IST1: variants seen among roughly 807,000 people sequenced by gnomAD.
IST1 encodes IST1 factor associated with ESCRT-III.
IST1 carries 23 observed loss-of-function variants against 37.0 expected under a neutral mutation model. The observed-to-expected ratio is 0.62, with a 90% confidence interval of 0.45 to 0.88. IST1 has a LOEUF of 0.88. IST1 is among the 40% of genes least tolerant of loss of function. IST1 has a pLI of 0.00. For synonymous variants in IST1, 180 were observed against 161.7 expected (o/e 1.11, Z -0.86); for missense variants, 488 against 445.4 (o/e 1.10, Z -0.86).
chr16:71,910,341 T>C (rs1194596209), intron 1 of IST1, among the ~76,000 whole-genome samples: 1 of 152,050 alleles, frequency 6.6e-6, no homozygotes, highest in Non-Finnish European at 1.5e-5. Flanking sequence ...GTGTGGAGGC[T>C]CAAGTCTGTA....
chr16:71,903,306 T>C (rs2037149337), intron 1 of IST1: 2 of 152,192 alleles, frequency 1.3e-5, no homozygotes, highest in South Asian at 4.1e-4. Flanking sequence ...AAAACCTTAA[T>C]GATATAATTT....
intron 1 of IST1, among the ~76,000 whole-genome samples, chr16:71,909,751 C>T (rs979241481): frequency 3.3e-5 from 5 of 152,142 alleles, no homozygotes; most frequent in African/African-American, 9.7e-5. Flanking sequence ...TCGAGAATAA[C>T]GCCTTAGGTT....
At chr16:71,908,899 A>G (rs2037288258) in intron 1 of IST1, among the ~76,000 whole-genome samples, 1 of 152,078 alleles carries the variant, frequency 6.6e-6, no homozygotes, top group African/African-American at 2.4e-5. Context: ...TATTTTTCAT[A>G]GTTCTCAGAT....
intron 8 of IST1, chr16:71,924,420 G>C: frequency 2.4e-6 from 1 of 414,342 alleles, no homozygotes; most frequent in Non-Finnish European, 4.5e-6. Flanking sequence ...GCGAAACCCT[G>C]TCTCTACCCA....
Position 71,922,468 on chromosome 16 carries a change from T to TC in IST1, c.553-5dup, listed in dbSNP as rs2037619249. On this transcript the variant is annotated splice_region_variant and splice_polypyrimidine_tract_variant and intron_variant, in intron 6 of 9. Transcript: ENST00000378799. Reference sequence around the variant, plus strand: ...TTAATGACCTGGGTTTCTCTTTTTTTCTCAGGCAGAAGCTCCTCCTGGGGT... The same window carrying TC: ...TTAATGACCTGGGTTTCTCTTTTTTTCCTCAGGCAGAAGCTCCTCCTGGGGT... The TC allele has an allele frequency of 6.2e-7, 1 of 1,613,194 alleles. No individual in the cohort carries two copies. The highest frequency in any genetic ancestry group is 1.1e-5 in the South Asian group (1 of 91,050).
At chr16:71,900,494 C>G (rs536618916) in intron 1 of IST1, among the ~76,000 whole-genome samples, 3 of 151,914 alleles carry the variant, frequency 2.0e-5, no homozygotes, top group Non-Finnish European at 4.4e-5. Flanking sequence ...TTTTACTTTG[C>G]TTATTCAGGA....
rs2037701740 is a variant in IST1 at position 71,924,901 on chromosome 16, GT to G, written c.901+87del. On this transcript the variant is annotated intron_variant, in intron 9 of 9. Coordinates refer to ENST00000378799, the MANE Select transcript of IST1 (RefSeq NM_001270975.2). ...CATTATTGTTCCTCCCTTAGAGACT[GT>G]TTCCATGTCCATGGACTTCTATCTG... 7.3e-6 allele frequency: 7 copies of G among 962,986 alleles called. No individual in the cohort carries two copies. The Admixed American group carries it at 1.3e-4, about 17-fold the overall frequency. 59.7% of individuals were successfully genotyped at this position (962,986 alleles called of 1,614,324 possible).
At chr16:71,897,889 C>T (rs1031214873) in intron 1 of IST1, among the ~76,000 whole-genome samples, 1 of 152,132 alleles carries the variant, frequency 6.6e-6, no homozygotes, top group Non-Finnish European at 1.5e-5. Context: ...GCGGAGGTTG[C>T]AGTGAGCTGA....
Position 71,930,012 on chromosome 16 carries a change from G to A in IST1, c.*2199G>A. The A allele has an allele frequency of 6.6e-7, 1 of 1,523,892 alleles. No homozygotes were observed. The highest frequency in any genetic ancestry group is 1.4e-5 in the African/African-American group (1 of 71,898). The allele number at this position is 1,523,892 out of a possible 1,614,324, so 94.4% of individuals were successfully genotyped here. ...GGGCAGTTACAGTGGAGCTTTCCCA[G>A]TGATATAACAGCATGCTAGTTTATC... is the stretch of plus-strand genomic sequence containing the variant. On this transcript the variant is annotated 3_prime_UTR_variant, in exon 10 of 10. Coordinates refer to ENST00000378799, the MANE Select transcript of IST1 (RefSeq NM_001270975.2).
At chr16:71,910,362 T>G (rs559839808) in intron 1 of IST1, among the ~76,000 whole-genome samples, 1 of 152,196 alleles carries the variant, frequency 6.6e-6, no homozygotes, top group Non-Finnish European at 1.5e-5. Flanking sequence ...ATCCCAGTAC[T>G]TTGGGAGGCC....
intron 4 of IST1, among the ~76,000 whole-genome samples, chr16:71,920,238 G>C (rs911223731): frequency 6.6e-6 from 1 of 152,192 alleles, no homozygotes; most frequent in Admixed American, 6.5e-5. Context: ...ACTTGCCTGT[G>C]AGCACATCTA....
chr16:71,930,219 A>C lies in IST1; in HGVS notation c.*2406A>C. On this transcript the variant is annotated 3_prime_UTR_variant, in exon 10 of 10. Coordinates refer to ENST00000378799, the MANE Select transcript of IST1 (RefSeq NM_001270975.2). ...AATAAGAACACTTGCAGTGACTGAC[A>C]ATTTAGTTTATACTTTACAAACATA... The C allele has an allele frequency of 6.6e-7, 1 of 1,514,472 alleles. No homozygotes were observed. Among genetic ancestry groups the C allele is most frequent in the Non-Finnish European group, 8.9e-7 (1 of 1,129,080 alleles). 93.8% of individuals were successfully genotyped at this position (1,514,472 alleles called of 1,614,324 possible). A position where few individuals can be genotyped will look rare whatever the true frequency, so the allele number is the denominator to read the frequency against.
Position 71,916,574 on chromosome 16 carries a change from G to C in IST1, c.201G>C (p.Glu67Asp). The C allele has an allele frequency of 6.2e-7, 1 of 1,614,056 alleles. No individual in the cohort carries two copies. The highest frequency in any genetic ancestry group is 8.5e-7 in the Non-Finnish European group (1 of 1,179,896). Residue 67 changes from glutamate (E) to aspartate (D), a missense_variant, in exon 3 of 10, where the codon GAG becomes GAC. This residue lies in a region of IST1 where 455 missense variants were observed against 386.2 expected (regional missense o/e 1.18). Coordinates refer to ENST00000378799, the MANE Select transcript of IST1 (RefSeq NM_001270975.2). ...EHIIREDYLV[E>D]AMEILELYCD... is the part of the protein sequence containing the mutation. ...TTATCCGGGAAGACTACCTCGTGGAGGCCATGGAGATCCTGGAGCTGTACT... is the reference window on the plus strand; with the variant it reads ...TTATCCGGGAAGACTACCTCGTGGACGCCATGGAGATCCTGGAGCTGTACT...
intron 1 of IST1, among the ~76,000 whole-genome samples, chr16:71,907,417 A>G (rs531832837): frequency 2.0e-5 from 3 of 151,602 alleles, no homozygotes; most frequent in East Asian, 2.0e-4. Context: ...AGCTGGGACT[A>G]TAGGCACCCG....
Position 71,930,792 on chromosome 16 carries a change from GT to G in IST1, c.*2981del, listed in dbSNP as rs1567482617. The stretch of plus-strand genomic sequence containing the variant: ...AAAAACTGTTGTTTAAAATTTAGAT[GT>G]TCTTTTTCAACAAATGGTATTTATT... On this transcript the variant is annotated 3_prime_UTR_variant, in exon 10 of 10. Coordinates refer to ENST00000378799, the MANE Select transcript of IST1 (RefSeq NM_001270975.2). 1 of 152,058 alleles carries G rather than the reference GT, an allele frequency of 6.6e-6. No homozygotes were observed. Among genetic ancestry groups the G allele is most frequent in the Middle Eastern group, 3.2e-3 (1 of 316 alleles). 9.4% of individuals were successfully genotyped at this position (152,058 alleles called of 1,614,324 possible).
intron 1 of IST1, among the ~76,000 whole-genome samples, chr16:71,898,385 A>G (rs1471735838): frequency 2.0e-5 from 3 of 146,634 alleles, no homozygotes; most frequent in African/African-American, 7.6e-5. Flanking sequence ...AAAAAAAAAA[A>G]AAAGAAACTC....
chr16:71,899,840 G>A (rs549476278), intron 1 of IST1, among the ~76,000 whole-genome samples: 3 of 152,168 alleles, frequency 2.0e-5, no homozygotes, highest in South Asian at 2.1e-4. Flanking sequence ...TGGCTAACAC[G>A]GTGAAACCCT....
At chr16:71,909,095 CTTTTTTTT>C (rs34086105) in intron 1 of IST1, among the ~76,000 whole-genome samples, 10 of 102,932 alleles carry the variant, frequency 9.7e-5, no homozygotes, top group Non-Finnish European at 1.9e-5. Context: ...TTTTGTTTGT[CTTTTTTTT>C]TTTTTTTTTT....
At chr16:71,913,278 CTT>C (rs112350785) in intron 1 of IST1, among the ~76,000 whole-genome samples, 1 of 145,846 alleles carries the variant, frequency 6.9e-6, no homozygotes. Context: ...TTGAAATTTT[CTT>C]TTTTTTTTTG....
Sources: gnomAD v4.1 joint callset for allele counts (sites outside exome capture counted in the v4.1 genomes callset) on GRCh38, gnomAD v4.1.1 for gene constraint, gnomAD v4.1.1 regional missense constraint, MANE v1.5 for transcripts, NCBI Gene and HGNC (gene_info 2026-07-23, HGNC 2026-07-21) for gene names.